Variants in CASQ1 observed in about 807,000 individuals in gnomAD.
CASQ1 encodes calsequestrin 1.
In CASQ1, 40 loss-of-function variants were observed where a neutral mutation model predicts 49.5. The observed-to-expected ratio is 0.81, with a 90% CI of 0.63 to 1.05. CASQ1 has a LOEUF of 1.05. CASQ1 is among the 50% of genes least tolerant of loss of function. The pLI, the probability that CASQ1 is intolerant of heterozygous loss-of-function variation, is 0.00. For synonymous variants in CASQ1, 174 were observed against 187.2 expected, an observed-to-expected ratio of 0.93 and a Z score of 0.58; for missense variants, 469 against 486.9, an observed-to-expected ratio of 0.96 and a Z score of 0.35.
rs1419416615 is a variant in CASQ1, at chr1:160,199,878, G to A, written c.1012G>A (p.Asp338Asn). 6.2e-7 allele frequency: 1 copy of A among 1,613,366 alleles called. No individual in the cohort carries two copies. Residue 338 changes from aspartate to asparagine, a missense_variant, in exon 10 of 11, where the codon GAC (aspartate) becomes AAC (asparagine). Physicochemically the swap from Asp to Asn is conservative, Grantham distance 23 (BLOSUM62 1). Coordinates refer to ENST00000368078, the MANE Select transcript of CASQ1 (RefSeq NM_001231.5). Reference sequence around the variant, plus strand: ...GGTCCCATACTGGGAGAAGACGTTTGACATCGACTTGTCAGCCCCACAAAT... The same window carrying A: ...GGTCCCATACTGGGAGAAGACGTTTAACATCGACTTGTCAGCCCCACAAAT... ...LLVPYWEKTF[D>N]IDLSAPQIGV...
rs751402289 is a variant in CASQ1 at position 160,195,977 on chromosome 1, C to A, written c.732C>A (p.Asp244Glu). 1 of 1,614,152 alleles carries A rather than the reference C, an allele frequency of 6.2e-7. No homozygotes were observed. The highest frequency in any genetic ancestry group is 1.1e-5 in the South Asian group (1 of 91,078). ...AFMEEPVTIP[D>E]KPNSEEEIVN... ...TGGAAGAGCCTGTGACCATCCCAGA[C>A]AAGCCCAATAGCGAAGAGGAGATTG... Residue 244 changes from aspartate to glutamate, a missense_variant, in exon 6 of 11, where the codon GAC becomes GAA. Physicochemically the swap from Asp to Glu is conservative, Grantham distance 45. Coordinates refer to ENST00000368078, the MANE Select transcript of CASQ1 (RefSeq NM_001231.5).
chr1:160,192,756 A>G, intron 1 of CASQ1, 46 bp from the exon 2 acceptor site: 1 of 1,533,024 alleles, frequency 6.5e-7, no homozygotes, highest in Non-Finnish European at 9.0e-7. Context: ...AATAGGGGAT[A>G]ATAAAAATTC....
Position 160,199,838 on chromosome 1 carries a change from GAT to G in CASQ1, c.985-12_985-11del. ...AGTATCTATTAAGTTGCTGTATTTT[GAT>G]CTCTCTACAGCTGGTCCCATACTGG... is the stretch of plus-strand genomic sequence containing the variant. On this transcript the variant is annotated splice_polypyrimidine_tract_variant and intron_variant, in intron 9 of 10. Coordinates refer to ENST00000368078, the MANE Select transcript of CASQ1 (RefSeq NM_001231.5). 1 of 1,588,446 alleles carries G rather than the reference GAT, an allele frequency of 6.3e-7. No individual in the cohort carries two copies. Among genetic ancestry groups the G allele is most frequent in the Non-Finnish European group, 8.6e-7 (1 of 1,156,534 alleles).
Position 160,201,747 on chromosome 1 carries a change from A to C in CASQ1, c.*371A>C. 3.9e-6 allele frequency: 1 copy of C among 255,294 alleles called. No individual in the cohort carries two copies. Among genetic ancestry groups the C allele is most frequent in the Non-Finnish European group, 7.7e-6 (1 of 130,542 alleles). The allele number at this position is 255,294 out of a possible 1,614,324, so 15.8% of individuals were successfully genotyped here. A position where few individuals can be genotyped will look rare whatever the true frequency, so the allele number is the denominator to read the frequency against. On this transcript the variant is annotated 3_prime_UTR_variant, in exon 11 of 11. Transcript: ENST00000368078. ...GCACAGCTTTCCCCCACTCTCTCTA[A>C]TCCTGTATCTTTCTGACTGTCCTGT...
At chr1:160,191,336 G>A (rs917902876) in intron 1 of CASQ1, among the ~76,000 whole-genome samples, 4 of 152,116 alleles carry the variant, frequency 2.6e-5, no homozygotes, top group African/African-American at 9.7e-5. Flanking sequence ...CACTGAGGGT[G>A]AAAAAGGGAG....
intron 2 of CASQ1, 149 bp downstream of exon 2, chr1:160,193,035 T>C (rs1246587375): frequency 1.7e-5 from 11 of 662,636 alleles, no homozygotes; most frequent in Admixed American, 1.5e-4. Context: ...TGAGAAAATA[T>C]GAGGTTGGGA....
In CASQ1 at chr1:160,193,727, G is replaced by A. The variant is rs770135928; in HGVS notation, c.365-20G>A. 45 of 1,426,178 alleles carry A rather than the reference G, an allele frequency of 3.2e-5. No individual in the cohort carries two copies. Among genetic ancestry groups the A allele is most frequent in the Admixed American group, 2.0e-4 (11 of 56,182 alleles). The allele number at this position is 1,426,178 out of a possible 1,614,324, so 88.3% of individuals were successfully genotyped here. A position where few individuals can be genotyped will look rare whatever the true frequency, so the allele number is the denominator to read the frequency against. On this transcript the variant is annotated intron_variant, in intron 2 of 10. Coordinates refer to ENST00000368078, the MANE Select transcript of CASQ1 (RefSeq NM_001231.5). ...GATCATGGCTCACTACCCCACCCCT[G>A]CGCCCGGCTCACTCCCTAGGCCTAA...
rs114935597 is a variant in CASQ1 at position 160,198,105 on chromosome 1, G to A, written c.828+491G>A. The A allele has an allele frequency of 6.5e-3, 1,044 of 161,636 alleles. 13 individuals are homozygous for A. Among genetic ancestry groups the A allele is most frequent in the African/African-American group, 0.023 (961 of 41,636 alleles). 10.0% of individuals were successfully genotyped at this position (161,636 alleles called of 1,614,324 possible). ...GAGGAAATGGGAGACAGACATAATT[G>A]AAGATGACAAGGGAAGAGCCTCAAG... On this transcript the variant is annotated intron_variant, in intron 7 of 10. Coordinates refer to ENST00000368078, the MANE Select transcript of CASQ1 (RefSeq NM_001231.5).
At chr1:160,194,313 G>A (rs374839023) in intron 3 of CASQ1, among the ~76,000 whole-genome samples, 1,369 of 127,594 alleles carry the variant, frequency 0.011, 15 homozygotes, top group African/African-American at 0.039. Context: ...CACCACACAC[G>A]CCACACATGT....
intron 8 of CASQ1, 99 bp downstream of exon 8, chr1:160,198,830 G>C (rs1456209254): frequency 7.9e-7 from 1 of 1,264,976 alleles, no homozygotes; most frequent in African/African-American, 1.5e-5. Context: ...CTGGGAGTTT[G>C]CAAACAGCCT....
rs867126141 is a variant in CASQ1 at position 160,195,369 on chromosome 1, C to T, written c.578-92C>T. ...AGAAGGGGTGGGTCTCAAAATGAAC[C>T]CTGCCTGCAAAGAATTGGGGACGAT... is the stretch of plus-strand genomic sequence containing the variant. On this transcript the variant is annotated intron_variant, in intron 4 of 10. Transcript: ENST00000368078. 2.3e-5 allele frequency: 28 copies of T among 1,227,838 alleles called. No homozygotes were observed. In the East Asian group the frequency reaches 4.7e-4, roughly 20 times the overall value. The allele number at this position is 1,227,838 out of a possible 1,614,324, so 76.1% of individuals were successfully genotyped here.
At chr1:160,191,950 C>T (rs773674291) in intron 1 of CASQ1, among the ~76,000 whole-genome samples, 4 of 152,148 alleles carry the variant, frequency 2.6e-5, no homozygotes, top group African/African-American at 7.2e-5. Context: ...ATTAATGAGC[C>T]GAGTATTTTT....
At position 160,196,040 on chromosome 1, in the gene CASQ1, G is replaced by C; in HGVS notation, c.782+13G>C. 6.2e-7 allele frequency: 1 copy of C among 1,613,244 alleles called. No homozygotes were observed. The highest frequency in any genetic ancestry group is 8.5e-7 in the Non-Finnish European group (1 of 1,179,600). ...AGGAGCACAGGAGGTGGGGACCAAG[G>C]GCAACCCTCTCAGCGGGGTCGGCTC... On this transcript the variant is annotated intron_variant, in intron 6 of 10. Transcript: ENST00000368078.
chr1:160,194,956 T>C, intron 3 of CASQ1, 56 bp from the exon 4 acceptor site: 1 of 1,119,118 alleles, frequency 8.9e-7, no homozygotes, highest in South Asian at 1.4e-5. Context: ...CCTAGGTCCC[T>C]TTCTGGTTCT....
At chr1:160,194,302 ACAC>A (rs1654154515) in intron 3 of CASQ1, among the ~76,000 whole-genome samples, 1 of 149,668 alleles carries the variant, frequency 6.7e-6, no homozygotes, top group Non-Finnish European at 1.5e-5. Flanking sequence ...GCAAATGCAC[ACAC>A]CACACACGCC....
chr1:160,195,952 T>C lies in CASQ1; in HGVS notation c.707T>C (p.Met236Thr), dbSNP rs1027830210. Reference sequence around the variant, plus strand: ...GAGATTGATTTCTACGAGGCCTTCATGGAAGAGCCTGTGACCATCCCAGAC... The same window carrying C: ...GAGATTGATTTCTACGAGGCCTTCACGGAAGAGCCTGTGACCATCCCAGAC... The part of the protein sequence containing the change: ...LNEIDFYEAF[M>T]EEPVTIPDKP... The change falls in exon 6 of 11, where the codon ATG becomes ACG. Residue 236 changes from methionine (M) to threonine (T), a missense_variant. Met to Thr is a moderately conservative substitution (Grantham distance 81). Coordinates refer to ENST00000368078, the MANE Select transcript of CASQ1 (RefSeq NM_001231.5). 17 of 1,614,032 alleles carry C rather than the reference T, an allele frequency of 1.1e-5. No individual in the cohort carries two copies. Among genetic ancestry groups the C allele is most frequent in the Non-Finnish European group, 1.4e-5 (17 of 1,179,972 alleles).
At chr1:160,201,220 C>A in intron 10 of CASQ1, 25 bp from the exon 11 acceptor site, 1 of 1,607,604 alleles carries the variant, frequency 6.2e-7, no homozygotes, top group Admixed American at 1.7e-5. Context: ...ACTTAGCTTC[C>A]GTCCCTGCCT....
intron 1 of CASQ1, chr1:160,192,511 C>T: frequency 3.7e-6 from 1 of 270,274 alleles, no homozygotes; most frequent in Non-Finnish European, 7.2e-6. Flanking sequence ...CACTCTGAAG[C>T]CAGACTCCTC....
At chr1:160,191,151 C>A (rs1654067148) in intron 1 of CASQ1, 121 bp downstream of exon 1, 1 of 1,057,402 alleles carries the variant, frequency 9.5e-7, no homozygotes, top group African/African-American at 1.6e-5. Flanking sequence ...GTGGTAGGAA[C>A]CCTGTCCTGA....
Sources: allele counts gnomAD v4.1 joint callset (sites outside exome capture counted in the v4.1 genomes callset), GRCh38; gene constraint gnomAD v4.1.1; transcripts MANE v1.5; gene names NCBI Gene and HGNC (gene_info 2026-07-23, HGNC 2026-07-21).